Variants in IL7 observed in about 807,000 individuals in gnomAD.
IL7 encodes the protein interleukin 7.
In IL7, 3 loss-of-function variants were observed where a neutral mutation model predicts 21.6. The observed-to-expected ratio is 0.14, with a 90% CI of 0.06 to 0.36. The LOEUF is 0.36. Among genes scored for constraint, IL7 ranks in the 10% least tolerant of loss-of-function variants. IL7 has a pLI of 1.00. For synonymous variants in IL7, 62 were observed against 68.1 expected (o/e 0.91, Z 0.44); for missense variants, 175 against 200.2 (o/e 0.87, Z 0.76).
downstream of IL7, among the ~76,000 whole-genome samples, chr8:78,675,457 T>C (rs1809550240): frequency 6.6e-6 from 1 of 151,936 alleles, no homozygotes; most frequent in Admixed American, 6.6e-5. Context: ...TCTTAAAATG[T>C]AGTAATTTAC....
intron 2 of IL7, among the ~76,000 whole-genome samples, chr8:78,755,686 T>A (rs1169592923): frequency 1.3e-5 from 2 of 152,114 alleles, no homozygotes; most frequent in East Asian, 3.8e-4. Context: ...TAATTTTGTA[T>A]CTGGCAACTT....
chr8:78,720,285 A>T (rs1006206011), intron 5 of IL7, among the ~76,000 whole-genome samples: 13 of 151,800 alleles, frequency 8.6e-5, no homozygotes, highest in African/African-American at 2.9e-4. Context: ...ACACTTGGGT[A>T]TTTATTTTCA....
chr8:78,707,513 A>C (rs934479585), intron 3 of IL7, among the ~76,000 whole-genome samples: 1 of 152,202 alleles, frequency 6.6e-6, no homozygotes, highest in East Asian at 1.9e-4. Flanking sequence ...TGACCAACAT[A>C]CCTGGTTACT....
Position 78,747,998 on chromosome 8 carries a change from T to C in IL7, c.148-7916A>G, listed in dbSNP as rs574342022. Among the ~76,000 whole-genome samples the C allele has an allele frequency of 5.3e-5, 8 of 152,294 alleles. No individual in the cohort carries two copies. The South Asian group carries it at 1.7e-3, about 32-fold the overall frequency. ...TTCAGTAGCAAATAGTATAGGTGAC[T>C]ACTTTGAAGAGAGAGGGATCATGGC... On this transcript the variant is annotated intron_variant, in intron 2 of 5. Transcript: ENST00000263851.
At chr8:78,680,276 G>A (rs1469774419) in intron 4 of IL7, among the ~76,000 whole-genome samples, 7 of 110,814 alleles carry the variant, frequency 6.3e-5, no homozygotes, top group Non-Finnish European at 1.0e-4. Context: ...GACAGAGCGA[G>A]ACTCCGTCTC....
intron 1 of IL7, among the ~76,000 whole-genome samples, chr8:78,803,090 A>T (rs943415120): frequency 6.6e-5 from 10 of 152,190 alleles, no homozygotes; most frequent in South Asian, 2.1e-4. Flanking sequence ...TCCATTTTTT[A>T]AAAAAATATT....
At chr8:78,680,286 CAAAAAAAAAAAAAAAAAAAAA>C (rs3070855) in intron 4 of IL7, among the ~76,000 whole-genome samples, 1 of 88,152 alleles carries the variant, frequency 1.1e-5, no homozygotes, top group Non-Finnish European at 2.2e-5. Context: ...GACTCCGTCT[CAAAAAAAAAAAAAAAAAAAAA>C]AAAAAAAAGC....
intron 5 of IL7, among the ~76,000 whole-genome samples, chr8:78,720,821 A>G (rs529505285): frequency 1.3e-5 from 2 of 152,082 alleles, no homozygotes; most frequent in South Asian, 4.1e-4. Context: ...TCCTTGAAAT[A>G]TTACTTTAAT....
At chr8:78,756,621 T>A (rs1266361274) in intron 2 of IL7, among the ~76,000 whole-genome samples, 1 of 151,966 alleles carries the variant, frequency 6.6e-6, no homozygotes, top group African/African-American at 2.4e-5. Flanking sequence ...CTCAAAATAA[T>A]CTCTGATAGT....
rs1812550979 is a variant in IL7, at chr8:78,761,411, T to C, written c.148-21329A>G. The C allele has an allele frequency of 1.9e-6, 3 of 1,611,996 alleles. No individual in the cohort carries two copies. In the East Asian group the frequency reaches 6.7e-5, roughly 36 times the overall value. ...AAGTCTAGAAGCAACAACTTTCATTTTGGAAGAAAATCCACTAGAGACAAT... is the reference window on the plus strand; with the variant it reads ...AAGTCTAGAAGCAACAACTTTCATTCTGGAAGAAAATCCACTAGAGACAAT... On this transcript the variant is annotated intron_variant, in intron 2 of 5. Transcript: ENST00000263851.
downstream of IL7, among the ~76,000 whole-genome samples, chr8:78,730,469 T>G (rs533355578): frequency 1.1e-3 from 169 of 152,102 alleles, no homozygotes; most frequent in African/African-American, 3.9e-3. Flanking sequence ...ACAAATGAAA[T>G]TTAGAAATCA....
At chr8:78,711,299 T>C (rs887086940) in intron 3 of IL7, among the ~76,000 whole-genome samples, 3 of 152,082 alleles carry the variant, frequency 2.0e-5, no homozygotes, top group Admixed American at 6.5e-5. Context: ...TTTAAAACAG[T>C]GAAATATCCT....
At chr8:78,675,250 A>G (rs1809543897), downstream of IL7, among the ~76,000 whole-genome samples, 1 of 151,764 alleles carries the variant, frequency 6.6e-6, no homozygotes, top group Non-Finnish European at 1.5e-5. Context: ...TATATGTATA[A>G]AATAATAATT....
chr8:78,706,199 G>C (rs936828289), intron 3 of IL7, among the ~76,000 whole-genome samples: 1 of 152,176 alleles, frequency 6.6e-6, no homozygotes, highest in African/African-American at 2.4e-5. Context: ...ACTGGTGGCT[G>C]GCTGGAATTC....
At chr8:78,800,272 T>C (rs1483137066) in intron 1 of IL7, among the ~76,000 whole-genome samples, 1 of 152,194 alleles carries the variant, frequency 6.6e-6, no homozygotes, top group Non-Finnish European at 1.5e-5. Flanking sequence ...TAGTATTCCA[T>C]GGTATACATA....
Position 78,733,680 on chromosome 8 carries a change from A to G in IL7, c.*33T>C, listed in dbSNP as rs1303572699. On this transcript the variant is annotated 3_prime_UTR_variant, in exon 6 of 6. Coordinates refer to ENST00000263851, the MANE Select transcript of IL7 (RefSeq NM_000880.4). ...ATAGATTCTTGGAGGATGCAGCTAA[A>G]GTTCGTGTTTCTATATTGCCACTCC... is the stretch of plus-strand genomic sequence containing the variant. 3 of 1,588,496 alleles carry G rather than the reference A, an allele frequency of 1.9e-6. No homozygotes were observed. Among genetic ancestry groups the G allele is most frequent in the Non-Finnish European group, 2.6e-6 (3 of 1,169,846 alleles).
intron 5 of IL7, among the ~76,000 whole-genome samples, chr8:78,720,136 A>G (rs1303991745): frequency 6.6e-6 from 1 of 151,896 alleles, no homozygotes; most frequent in Non-Finnish European, 1.5e-5. Flanking sequence ...CACATTTAAA[A>G]TTAAAAAGGA....
chr8:78,704,835 A>G (rs1810720385), intron 3 of IL7, among the ~76,000 whole-genome samples: 1 of 151,780 alleles, frequency 6.6e-6, no homozygotes. Flanking sequence ...AGCGTGTCTT[A>G]TTTCAGAAAG....
At chr8:78,686,657 G>A in intron 3 of IL7, 2 of 1,404,326 alleles carry the variant, frequency 1.4e-6, no homozygotes, top group Middle Eastern at 1.9e-4. Context: ...AGAAAATAAT[G>A]ATAGAGTTTT....
Sources: gnomAD v4.1 joint callset for allele counts (sites outside exome capture counted in the v4.1 genomes callset) on GRCh38, gnomAD v4.1.1 for gene constraint, MANE v1.5 for transcripts, NCBI Gene and HGNC (gene_info 2026-07-23, HGNC 2026-07-21) for gene names.